Variants in GRID2 observed in about 807,000 individuals in gnomAD.
GRID2 encodes the protein glutamate receptor ionotropic, delta-2.
In GRID2, 33 loss-of-function variants were observed where a neutral mutation model predicts 114.8. That is an observed-to-expected ratio of 0.29 (90% CI 0.22 to 0.38). The LOEUF is 0.38. Ranked by LOEUF, GRID2 falls within the 10% of genes least tolerant of loss-of-function variation. The pLI is 1.00. For missense variants in GRID2, 1,184 were observed against 1,257.7 expected, an observed-to-expected ratio of 0.94 and a Z score of 0.89; for synonymous variants, 505 against 449.9, an observed-to-expected ratio of 1.12 and a Z score of -1.55.
intron 2 of GRID2, among the ~76,000 whole-genome samples, chr4:92,990,198 CTGTGTGTGTGTGTGTGTGTGTGTGTGTG>C (rs3970985): frequency 0.011 from 1,417 of 124,800 alleles, 11 homozygotes; most frequent in Non-Finnish European, 0.017. Context: ...TTAACATTTT[CTGTGTGTGTGTGTGTGTGTGTGTGTGTG>C]TGTGTGTGTG....
chr4:92,845,492 T>C lies in GRID2; in HGVS notation c.245-239503T>C, dbSNP rs993554387. Among the ~76,000 whole-genome samples the C allele has an allele frequency of 3.3e-5, 5 of 152,132 alleles. No homozygotes were observed. The South Asian group carries it at 1.0e-3, about 32-fold the overall frequency. On this transcript the variant is annotated intron_variant, in intron 2 of 15. Transcript: ENST00000282020. ...ATTGGAGTGGGAGTTATCTCCCTACTTTTTATTCCTTTTGGACATGTAGAT... is the reference window on the plus strand; with the variant it reads ...ATTGGAGTGGGAGTTATCTCCCTACCTTTTATTCCTTTTGGACATGTAGAT...
In GRID2 at chr4:92,950,398, T is replaced by C. The variant is rs150309930; in HGVS notation, c.245-134597T>C. Reference sequence around the variant, plus strand: ...ATGGAGGATTTATGTACTATGGTAATAAATTAAGTTCCTACAAGTGCTTTT... The same window carrying C: ...ATGGAGGATTTATGTACTATGGTAACAAATTAAGTTCCTACAAGTGCTTTT... On this transcript the variant is annotated intron_variant, in intron 2 of 15. Transcript: ENST00000282020. Among the ~76,000 whole-genome samples, 7 of 152,302 alleles carry C rather than the reference T, an allele frequency of 4.6e-5. No homozygotes were observed. The East Asian group carries it at 1.4e-3, about 29-fold the overall frequency.
rs1385539893 is a variant in GRID2, at chr4:93,167,280, C to G, written c.736-40124C>G. On this transcript the variant is annotated intron_variant, in intron 4 of 15. Coordinates refer to ENST00000282020, the MANE Select transcript of GRID2 (RefSeq NM_001510.4). ...GCACCCCATTCCTTGTTTGATGGCT[C>G]CAGTTGTTGCACAGTTATATTGATA... Among the ~76,000 whole-genome samples, 7 of 152,180 alleles carry G rather than the reference C, an allele frequency of 4.6e-5. No individual in the cohort carries two copies. In the East Asian group the frequency reaches 1.4e-3, roughly 29 times the overall value.
chr4:92,478,001 T>G (rs914325651), intron 1 of GRID2, among the ~76,000 whole-genome samples: 2 of 151,442 alleles, frequency 1.3e-5, no homozygotes, highest in South Asian at 4.2e-4. Context: ...TCAAGAAATA[T>G]TTGTTGACTA....
chr4:92,336,756 T>G lies in GRID2; in HGVS notation c.88+32012T>G, dbSNP rs148754044. Among the ~76,000 whole-genome samples, 99 of 152,200 alleles carry G rather than the reference T, an allele frequency of 6.5e-4. 1 individual carries two copies. The highest frequency in any genetic ancestry group is 2.4e-3 in the African/African-American group (99 of 41,546). On this transcript the variant is annotated intron_variant, in intron 1 of 15. Transcript: ENST00000282020. ...AGATCTCTACCTCCTCACCAACCAT[T>G]GCTACTCTTATCTTTTGCTTTTTTA...
At chr4:92,983,201 T>C (rs896332541) in intron 2 of GRID2, among the ~76,000 whole-genome samples, 4 of 152,006 alleles carry the variant, frequency 2.6e-5, no homozygotes, top group African/African-American at 9.7e-5. Context: ...AGAGGATGGG[T>C]AATTAATCAT....
chr4:92,656,680 G>T (rs1732255798), intron 2 of GRID2, among the ~76,000 whole-genome samples: 2 of 151,638 alleles, frequency 1.3e-5, no homozygotes, highest in South Asian at 4.1e-4. Context: ...ACCCTCTATG[G>T]AAGGCAATTT....
At chr4:92,515,814 T>C (rs1176166740) in intron 1 of GRID2, among the ~76,000 whole-genome samples, 2 of 152,004 alleles carry the variant, frequency 1.3e-5, no homozygotes, top group Non-Finnish European at 2.9e-5. Flanking sequence ...TTCTTTTGTT[T>C]GTCGATGTTA....
At chr4:93,176,208 A>C (rs1739333192) in intron 4 of GRID2, among the ~76,000 whole-genome samples, 2 of 152,212 alleles carry the variant, frequency 1.3e-5, no homozygotes, top group Admixed American at 6.5e-5. Flanking sequence ...AAACATTATT[A>C]ATTAACTTGG....
At chr4:93,731,673 C>T (rs890447893) in intron 14 of GRID2, among the ~76,000 whole-genome samples, 1 of 152,172 alleles carries the variant, frequency 6.6e-6, no homozygotes, top group Non-Finnish European at 1.5e-5. Context: ...ACGCAGAGGA[C>T]TCTGATGTCA....
chr4:92,816,294 A>T (rs954629218), intron 2 of GRID2, among the ~76,000 whole-genome samples: 1 of 149,184 alleles, frequency 6.7e-6, no homozygotes, highest in Non-Finnish European at 1.5e-5. Context: ...CAGTCTGGGC[A>T]ACAAGAGTAA....
At chr4:93,150,531 G>A (rs1388637113) in intron 4 of GRID2, among the ~76,000 whole-genome samples, 10 of 152,044 alleles carry the variant, frequency 6.6e-5, no homozygotes, top group Admixed American at 6.6e-4. Context: ...ACCCTTAGGA[G>A]GACACCAAGT....
At chr4:92,440,026 C>T (rs909395494) in intron 1 of GRID2, among the ~76,000 whole-genome samples, 1 of 145,354 alleles carries the variant, frequency 6.9e-6, no homozygotes, top group Non-Finnish European at 1.6e-5. Context: ...GAGACTGGGG[C>T]CTAATAAAAA....
intron 2 of GRID2, among the ~76,000 whole-genome samples, chr4:93,033,538 G>A (rs1043088568): frequency 6.6e-6 from 1 of 152,074 alleles, no homozygotes; most frequent in Non-Finnish European, 1.5e-5. Flanking sequence ...GTGGAGGCAT[G>A]ATTGCTCTCA....
intron 4 of GRID2, among the ~76,000 whole-genome samples, chr4:93,178,760 A>G (rs1739608874): frequency 6.9e-6 from 1 of 143,954 alleles, no homozygotes; most frequent in Admixed American, 7.3e-5. Flanking sequence ...GTGCGCTGAG[A>G]TCATTTTAAG....
At chr4:92,430,402 G>T (rs1732381880) in intron 1 of GRID2, among the ~76,000 whole-genome samples, 1 of 152,030 alleles carries the variant, frequency 6.6e-6, no homozygotes, top group African/African-American at 2.4e-5. Context: ...TGTTGAAAAT[G>T]AGTTCACTGT....
At chr4:92,900,833 CAAAAAAAAAA>C (rs34089162) in intron 2 of GRID2, among the ~76,000 whole-genome samples, 2 of 72,332 alleles carry the variant, frequency 2.8e-5, no homozygotes, top group East Asian at 8.9e-4. Flanking sequence ...GACTTCGTCT[CAAAAAAAAAA>C]AAAAAAAAAA....
chr4:92,514,946 T>C (rs373083009), intron 1 of GRID2, among the ~76,000 whole-genome samples: 1 of 151,872 alleles, frequency 6.6e-6, no homozygotes, highest in Non-Finnish European at 1.5e-5. Flanking sequence ...GTGTATAAAG[T>C]ATTTCTTCTT....
intron 14 of GRID2, among the ~76,000 whole-genome samples, chr4:93,660,973 A>AT (rs1162680554): frequency 6.6e-6 from 1 of 152,134 alleles, no homozygotes; most frequent in Non-Finnish European, 1.5e-5. Flanking sequence ...GGGAAAAAAA[A>AT]AGCAAAAAAC....
Sources: gnomAD v4.1 joint callset for allele counts (sites outside exome capture counted in the v4.1 genomes callset) on GRCh38, gnomAD v4.1.1 for gene constraint, MANE v1.5 for transcripts, NCBI Gene and HGNC (gene_info 2026-07-23, HGNC 2026-07-21) for gene names.